EIF3H: variants seen among roughly 807,000 people sequenced by gnomAD.
The protein encoded by EIF3H is eIF-3-gamma.
Under a neutral mutation model 44.2 loss-of-function variants are expected in EIF3H, and 26 were observed. The ratio of observed to expected loss-of-function variants is 0.59; its 90% confidence interval spans 0.43 to 0.82. The LOEUF is 0.82. Ranked by LOEUF, EIF3H falls within the 40% of genes least tolerant of loss-of-function variation. The pLI is 0.00. For synonymous variants in EIF3H, 166 were observed against 151.9 expected (o/e 1.09, Z -0.68); for missense variants, 359 against 432.8 (o/e 0.83, Z 1.51).
At position 116,698,906 on chromosome 8, in the gene EIF3H, G is replaced by A. The variant is rs570487581; in HGVS notation, c.289+27110C>T. On this transcript the variant is annotated intron_variant, in intron 2 of 7. Coordinates refer to ENST00000521861, the MANE Select transcript of EIF3H (RefSeq NM_003756.3). ...CTGACATCTGTAGTCCCAGCACTTT[G>A]GGAGGCCAAGACAGGCAGATCTTTG... Among the ~76,000 whole-genome samples, 8 of 152,276 alleles carry A rather than the reference G, an allele frequency of 5.3e-5. No individual in the cohort carries two copies. The South Asian group carries it at 1.2e-3, about 24-fold the overall frequency.
At chr8:116,653,321 A>G (rs187965851) in intron 5 of EIF3H, among the ~76,000 whole-genome samples, 1 of 150,642 alleles carries the variant, frequency 6.6e-6, no homozygotes, top group African/African-American at 2.5e-5. Flanking sequence ...TATTATGATA[A>G]TGCTCTTCAG....
At chr8:116,665,847 A>C (rs1015271665) in intron 2 of EIF3H, among the ~76,000 whole-genome samples, 3 of 152,254 alleles carry the variant, frequency 2.0e-5, no homozygotes, top group African/African-American at 7.2e-5. Flanking sequence ...GTTCAAAGCT[A>C]CTAGCAGATG....
intron 2 of EIF3H, among the ~76,000 whole-genome samples, chr8:116,666,753 CAAAAAAAA>C (rs56700266): frequency 8.4e-5 from 6 of 71,446 alleles, no homozygotes; most frequent in East Asian, 4.5e-4. Flanking sequence ...TAGTGTTAGG[CAAAAAAAA>C]AAAAAAAAAA....
intron 1 of EIF3H, among the ~76,000 whole-genome samples, chr8:116,742,139 C>T (rs969583565): frequency 3.5e-4 from 53 of 151,862 alleles, no homozygotes; most frequent in African/African-American, 1.1e-3. Context: ...AGTTACAATG[C>T]TCCAATACAC....
chr8:116,645,547 T>G (rs1227716423), intron 7 of EIF3H, among the ~76,000 whole-genome samples: 1 of 151,924 alleles, frequency 6.6e-6, no homozygotes, highest in Non-Finnish European at 1.5e-5. Flanking sequence ...CGTTAAGGAG[T>G]TTTCTCCTAC....
At chr8:116,761,841 C>T (rs974650252) in intron 1 of EIF3H, among the ~76,000 whole-genome samples, 6 of 152,118 alleles carry the variant, frequency 3.9e-5, no homozygotes, top group Admixed American at 1.3e-4. Flanking sequence ...ACATGAATTC[C>T]GCTTGCTTTC....
chr8:116,747,309 G>A (rs1025788157), intron 1 of EIF3H, among the ~76,000 whole-genome samples: 18 of 152,096 alleles, frequency 1.2e-4, no homozygotes, highest in South Asian at 8.3e-4. Context: ...CAGGTGATCC[G>A]CCCACCTCAG....
chr8:116,762,895 G>A (rs1815532355), intron 1 of EIF3H, among the ~76,000 whole-genome samples: 1 of 152,184 alleles, frequency 6.6e-6, no homozygotes, highest in South Asian at 2.1e-4. Flanking sequence ...AGTGAGCCAA[G>A]ATTGTGCCAC....
intron 2 of EIF3H, among the ~76,000 whole-genome samples, chr8:116,715,199 T>C (rs529000395): frequency 1.2e-4 from 18 of 152,198 alleles, no homozygotes; most frequent in South Asian, 6.2e-4. Context: ...TCTGAAAGGA[T>C]TGATTCTACA....
chr8:116,670,135 T>TCATATG (rs1391410238), intron 2 of EIF3H, among the ~76,000 whole-genome samples: 1 of 152,224 alleles, frequency 6.6e-6, no homozygotes, highest in Non-Finnish European at 1.5e-5. Flanking sequence ...TTTCCTATAA[T>TCATATG]CATATGCATA....
At chr8:116,761,362 A>G (rs998896236) in intron 1 of EIF3H, among the ~76,000 whole-genome samples, 1 of 152,114 alleles carries the variant, frequency 6.6e-6, no homozygotes, top group Non-Finnish European at 1.5e-5. Context: ...AAATACAAAA[A>G]TCAGCCAGGC....
At position 116,754,084 on chromosome 8, in the gene EIF3H, C is replaced by G. The variant is rs571280791; in HGVS notation, c.132+1582G>C. ...GCCTCCCATGAGCCAGGGAAAGCCACAGTGCCAGTACACAGGCCAGATAGT... is the reference window on the plus strand; with the variant it reads ...GCCTCCCATGAGCCAGGGAAAGCCAGAGTGCCAGTACACAGGCCAGATAGT... On this transcript the variant is annotated intron_variant, in intron 1 of 7. Coordinates refer to ENST00000521861, the MANE Select transcript of EIF3H (RefSeq NM_003756.3). Among the ~76,000 whole-genome samples, 61 of 152,156 alleles carry G rather than the reference C, an allele frequency of 4.0e-4. 1 individual carries two copies. In the South Asian group the frequency reaches 0.012, roughly 30 times the overall value.
At chr8:116,693,264 T>C (rs144499537) in intron 2 of EIF3H, among the ~76,000 whole-genome samples, 1 of 152,342 alleles carries the variant, frequency 6.6e-6, no homozygotes, top group African/African-American at 2.4e-5. Flanking sequence ...CTTAATTTTA[T>C]AACTAAGTAT....
intron 1 of EIF3H, among the ~76,000 whole-genome samples, chr8:116,752,736 A>AAAGAAGGAAGG (rs1435243692): frequency 1.1e-5 from 1 of 87,070 alleles, no homozygotes; most frequent in Non-Finnish European, 2.3e-5. Flanking sequence ...AAGAAAGAAG[A>AAAGAAGGAAGG]GAAAGAAAGA....
At chr8:116,672,454 C>CA (rs897165197) in intron 2 of EIF3H, among the ~76,000 whole-genome samples, 6 of 151,874 alleles carry the variant, frequency 4.0e-5, no homozygotes, top group African/African-American at 1.5e-4. Flanking sequence ...AGCATCTTTA[C>CA]AAAAAAATTT....
intron 1 of EIF3H, among the ~76,000 whole-genome samples, chr8:116,738,681 T>C (rs943023915): frequency 6.6e-6 from 1 of 152,216 alleles, no homozygotes; most frequent in African/African-American, 2.4e-5. Context: ...AAGGATCTGC[T>C]GAAAAGCCCT....
At chr8:116,659,963 T>C (rs1813556931) in intron 2 of EIF3H, among the ~76,000 whole-genome samples, 1 of 152,192 alleles carries the variant, frequency 6.6e-6, no homozygotes, top group Non-Finnish European at 1.5e-5. Context: ...CTTGGCTCAC[T>C]GCAACCTCTG....
intron 2 of EIF3H, among the ~76,000 whole-genome samples, chr8:116,662,931 T>C (rs533973235): frequency 1.2e-4 from 18 of 152,316 alleles, no homozygotes; most frequent in African/African-American, 4.1e-4. Flanking sequence ...TTTGTGGCTA[T>C]GCTAGTTTCT....
intron 2 of EIF3H, among the ~76,000 whole-genome samples, chr8:116,700,988 T>C (rs1814366215): frequency 6.6e-6 from 1 of 152,216 alleles, no homozygotes. Context: ...ATTGTTAAAT[T>C]ACTTTATTCT....
Sources: gnomAD v4.1 joint callset for allele counts (sites outside exome capture counted in the v4.1 genomes callset) on GRCh38, gnomAD v4.1.1 for gene constraint, MANE v1.5 for transcripts, NCBI Gene and HGNC (gene_info 2026-07-23, HGNC 2026-07-21) for gene names.